The following DIP2C variants were observed in gnomAD, a reference collection of about 807,000 sequenced individuals.
The protein encoded by DIP2C is disco-interacting protein 2 homolog C.
A neutral mutation model predicts 192.4 loss-of-function variants in DIP2C; 33 were observed. The ratio of observed to expected loss-of-function variants is 0.17; its 90% confidence interval spans 0.13 to 0.23. The LOEUF (loss-of-function observed/expected upper bound fraction) is 0.23. Among genes scored for constraint, DIP2C ranks in the 10% least tolerant of loss-of-function variants. The pLI is 1.00. For missense variants in DIP2C, 1,537 were observed against 2,110.1 expected (o/e 0.73, Z 5.32); for synonymous variants, 979 against 864.1 (o/e 1.13, Z -2.33).
chr10:650,305 G>A lies in DIP2C; in HGVS notation c.85+39189C>T, dbSNP rs1031856949. ...TGCGATTTCAGGGCCAGGGACCATG[G>A]TGCCCGGGGCTGTGGACCACGCCAG... On this transcript the variant is annotated intron_variant, in intron 1 of 36. Coordinates refer to ENST00000280886, the MANE Select transcript of DIP2C (RefSeq NM_014974.3). The A allele has an allele frequency of 1.1e-5, 8 of 716,936 alleles. No individual in the cohort carries two copies. In the African/African-American group the frequency reaches 1.2e-4, roughly 11 times the overall value. 44.4% of individuals were successfully genotyped at this position (716,936 alleles called of 1,614,324 possible).
chr10:434,752 G>A (rs1179289932), intron 4 of DIP2C, among the ~76,000 whole-genome samples: 1 of 152,114 alleles, frequency 6.6e-6, no homozygotes, highest in African/African-American at 2.4e-5. Context: ...TAGACTTCTA[G>A]GTTAATGGCA....
chr10:480,087 G>A (rs932872153), intron 2 of DIP2C, among the ~76,000 whole-genome samples: 2 of 149,946 alleles, frequency 1.3e-5, no homozygotes, highest in African/African-American at 5.0e-5. Flanking sequence ...CCGCCAGCCT[G>A]AGCTCCGGTC....
At chr10:355,623 A>AT (rs1306381006) in intron 24 of DIP2C, among the ~76,000 whole-genome samples, 21 of 152,350 alleles carry the variant, frequency 1.4e-4, no homozygotes, top group African/African-American at 5.0e-4. Context: ...TGTTAATAGT[A>AT]TTAGCTTGTT....
At chr10:376,557 CTTTTTTTT>C in intron 17 of DIP2C, among the ~76,000 whole-genome samples, 1 of 135,290 alleles carries the variant, frequency 7.4e-6, no homozygotes, top group South Asian at 2.5e-4. Context: ...GAGGAAGTGT[CTTTTTTTT>C]TTTTTTTTTA....
chr10:595,675 C>A (rs555718642), intron 1 of DIP2C, among the ~76,000 whole-genome samples: 1 of 152,312 alleles, frequency 6.6e-6, no homozygotes, highest in African/African-American at 2.4e-5. Context: ...CCGGGTTTAC[C>A]GAAATCCACG....
chr10:381,764 C>T (rs1189898538), intron 17 of DIP2C, among the ~76,000 whole-genome samples: 2 of 152,222 alleles, frequency 1.3e-5, no homozygotes, highest in Non-Finnish European at 2.9e-5. Flanking sequence ...GTCTCCTGCA[C>T]TCACTCTACA....
intron 32 of DIP2C, among the ~76,000 whole-genome samples, chr10:309,554 G>A (rs1184192799): frequency 6.7e-6 from 1 of 150,170 alleles, no homozygotes; most frequent in Admixed American, 6.6e-5. Flanking sequence ...TCCTGCAACA[G>A]AGTTTCTTTT....
intron 1 of DIP2C, among the ~76,000 whole-genome samples, chr10:503,055 ATT>A (rs1445129041): frequency 6.6e-6 from 1 of 150,572 alleles, no homozygotes; most frequent in East Asian, 1.9e-4. Flanking sequence ...ACTTACCACA[ATT>A]CCAACATAAA....
intron 1 of DIP2C, among the ~76,000 whole-genome samples, chr10:577,525 T>A (rs1409518607): frequency 2.0e-5 from 3 of 152,152 alleles, no homozygotes; most frequent in Non-Finnish European, 4.4e-5. Flanking sequence ...ATTTAAACCT[T>A]CAAGAGCCAA....
chr10:476,653 C>A (rs1275957897), intron 2 of DIP2C, among the ~76,000 whole-genome samples: 1 of 152,154 alleles, frequency 6.6e-6, no homozygotes, highest in Non-Finnish European at 1.5e-5. Flanking sequence ...GGGCCCCTCT[C>A]CCAGGCCCCT....
chr10:544,141 C>A (rs557905012), intron 1 of DIP2C, among the ~76,000 whole-genome samples: 3 of 150,618 alleles, frequency 2.0e-5, no homozygotes, highest in Non-Finnish European at 2.9e-5. Context: ...TCGCACAGTG[C>A]GTGACCTTTG....
chr10:385,720 C>T (rs1015815608), intron 14 of DIP2C, among the ~76,000 whole-genome samples: 5 of 152,162 alleles, frequency 3.3e-5, no homozygotes, highest in Non-Finnish European at 7.3e-5. Context: ...TGCCTCACAC[C>T]GCAGCAGTCA....
rs1416491391 is a variant in DIP2C at position 390,321 on chromosome 10, C to T, written c.1437G>A (p.Pro479=). The T allele has an allele frequency of 1.1e-5, 17 of 1,613,856 alleles. No individual in the cohort carries two copies. The highest frequency in any genetic ancestry group is 2.2e-5 in the East Asian group (1 of 44,884). Residue 479 remains proline (P), a synonymous_variant, in exon 12 of 37, where the codon CCG becomes CCA. Coordinates refer to ENST00000280886, the MANE Select transcript of DIP2C (RefSeq NM_014974.3). The stretch of plus-strand genomic sequence containing the variant: ...TAATGTGTGGGAACCAGTCTCGGGG[C>T]GGTTTGGAGAGATGTTTAGACTCTG... The part of the protein sequence containing the change: ...FVTESKHLSK[P]PRDWFPHIKD...
rs541618946 is a variant in DIP2C, at chr10:446,303, T to C, written c.269-5307A>G. 8.5e-5 allele frequency among the ~76,000 whole-genome samples: 13 copies of C among 152,056 alleles called. No homozygotes were observed. The South Asian group carries it at 2.7e-3, about 32-fold the overall frequency. ...CCACTGGGCATCTATATACATCTGT[T>C]GCGAAGAGTCTATCTTCCACTGGAC... On this transcript the variant is annotated intron_variant, in intron 3 of 36. Transcript: ENST00000280886.
chr10:371,035 G>A (rs190741898), intron 17 of DIP2C, among the ~76,000 whole-genome samples: 23 of 152,248 alleles, frequency 1.5e-4, no homozygotes, highest in African/African-American at 3.6e-4. Flanking sequence ...TAGATAGGGC[G>A]AGCTCAGATC....
rs765260096 is a variant in DIP2C at position 348,700 on chromosome 10, G to A, written c.3172C>T (p.Arg1058Cys). Residue 1058 changes from arginine to cysteine, a missense_variant, in exon 26 of 37, where the codon CGT becomes TGT. By Grantham distance (180) the Arg-to-Cys change is radical. This residue lies in a region of DIP2C where 677 missense variants were observed against 989.9 expected (regional missense o/e 0.68). Coordinates refer to ENST00000280886, the MANE Select transcript of DIP2C (RefSeq NM_014974.3). ...LYAGCVPITV[R>C]PPHPQNIATT... is the part of the protein sequence containing the mutation. ...GCGATGTTCTGTGGGTGCGGGGGAC[G>A]GACGGTTATTGGCACACAGCCTGCG... The A allele has an allele frequency of 1.2e-6, 2 of 1,613,988 alleles. No individual in the cohort carries two copies. The highest frequency in any genetic ancestry group is 8.5e-7 in the Non-Finnish European group (1 of 1,179,972).
chr10:358,188 G>A (rs72772852), intron 22 of DIP2C, among the ~76,000 whole-genome samples: 4,355 of 152,106 alleles, frequency 0.029, 84 homozygotes, highest in Non-Finnish European at 0.046. Flanking sequence ...CCAAGCCCAC[G>A]CCTGACTTTC....
chr10:319,202 C>T (rs374593647), intron 31 of DIP2C, among the ~76,000 whole-genome samples: 11 of 152,128 alleles, frequency 7.2e-5, no homozygotes, highest in Non-Finnish European at 1.5e-4. Flanking sequence ...CGTGAGCCAC[C>T]GCGCCTGGCT....
chr10:418,273 G>C (rs574969415), intron 6 of DIP2C, among the ~76,000 whole-genome samples: 1 of 137,006 alleles, frequency 7.3e-6, no homozygotes, highest in Non-Finnish European at 1.6e-5. Context: ...TCAGGCCTCA[G>C]ATAGGCATCC....
Sources: gnomAD v4.1 joint callset for allele counts (sites outside exome capture counted in the v4.1 genomes callset) on GRCh38, gnomAD v4.1.1 for gene constraint, gnomAD v4.1.1 regional missense constraint, MANE v1.5 for transcripts, NCBI Gene and HGNC (gene_info 2026-07-23, HGNC 2026-07-21) for gene names.